BPTF: variants seen among roughly 807,000 people sequenced by gnomAD.
The protein encoded by BPTF is bromodomain PHD finger transcription factor.
Under a neutral mutation model 292.5 loss-of-function variants are expected in BPTF, and 18 were observed. The observed-to-expected ratio is 0.06, with a 90% CI of 0.04 to 0.09. The LOEUF is 0.09. Among genes scored for constraint, BPTF ranks in the 10% least tolerant of loss-of-function variants. The probability of loss-of-function intolerance (pLI) is 1.00; values close to 1 mark genes in which losing one functional copy is unlikely to be tolerated. For synonymous variants in BPTF, 1,225 were observed against 1,251.9 expected (o/e 0.98, Z 0.45); for missense variants, 2,726 against 3,498.7 (o/e 0.78, Z 5.57).
At position 67,945,493 on chromosome 17, in the gene BPTF, G is replaced by C. The variant is rs782252588; in HGVS notation, c.6785G>C (p.Ser2262Thr). Residue 2262 changes from serine (S) to threonine (T), a missense_variant, in exon 21 of 28, where the codon AGT (serine) becomes ACT (threonine). Transcript: ENST00000306378. The part of the protein sequence containing the change: ...DKTLPPAQSS[S>T]VGPAEAQPQT... ...ACCCTGCCACCAGCTCAGTCATCAA[G>C]TGTGGGTCCAGCAGAAGCCCAGCCA... 1 of 1,613,982 alleles carries C rather than the reference G, an allele frequency of 6.2e-7. No homozygotes were observed. Among genetic ancestry groups the C allele is most frequent in the African/African-American group, 1.3e-5 (1 of 74,886 alleles).
chr17:67,909,764 A>G lies in BPTF; in HGVS notation c.2992+3A>G, dbSNP rs1240047085. The G allele has an allele frequency of 3.9e-6, 6 of 1,547,526 alleles. No individual in the cohort carries two copies. In the East Asian group the frequency reaches 9.1e-5, roughly 24 times the overall value. ...GATTACTGAGAAGAAGGACCAAGGT[A>G]AGGAGAGTCAGCTGTGGAGGGCAGC... On this transcript the variant is annotated splice_donor_region_variant and intron_variant, in intron 10 of 27. Coordinates refer to ENST00000306378, the MANE Select transcript of BPTF (RefSeq NM_182641.4).
At chr17:67,844,583 T>G (rs936943582) in intron 1 of BPTF, among the ~76,000 whole-genome samples, 1 of 147,460 alleles carries the variant, frequency 6.8e-6, no homozygotes, top group African/African-American at 2.5e-5. Flanking sequence ...GTATTTTTAC[T>G]AGAGACAGAG....
intron 17 of BPTF, 76 bp from the exon 18 acceptor site, chr17:67,931,835 G>C: frequency 9.6e-7 from 1 of 1,039,710 alleles, no homozygotes; most frequent in Non-Finnish European, 1.4e-6. Flanking sequence ...AATGTTTAAA[G>C]ATCTTGTGTT....
chr17:67,982,156 T>C, intron 27 of BPTF, 96 bp from the exon 28 acceptor site: 1 of 1,111,210 alleles, frequency 9.0e-7, no homozygotes, highest in East Asian at 2.4e-5. Context: ...ACATGGCTGC[T>C]TCTCCCAGAC....
At chr17:67,843,980 G>T (rs1274273008) in intron 1 of BPTF, among the ~76,000 whole-genome samples, 1 of 149,558 alleles carries the variant, frequency 6.7e-6, no homozygotes, top group Non-Finnish European at 1.5e-5. Context: ...GGTCAGGCTG[G>T]TCTCAAACTC....
At position 67,912,275 on chromosome 17, in the gene BPTF, C is replaced by T. The variant is rs781722613; in HGVS notation, c.4391C>T (p.Pro1464Leu). The stretch of plus-strand genomic sequence containing the variant: ...ACTGTTAAAGAATCTGCTATAAGGC[C>T]ATTCATTAATGGTGATGTCATCATG... ...SLTVKESAIR[P>L]FINGDVIMED... Residue 1464 changes from proline to leucine, a missense_variant, in exon 11 of 28, where the codon CCA (proline) becomes CTA (leucine). Transcript: ENST00000306378. 2.5e-6 allele frequency: 4 copies of T among 1,613,246 alleles called. No individual in the cohort carries two copies. Among genetic ancestry groups the T allele is most frequent in the East Asian group, 4.5e-5 (2 of 44,870 alleles).
chr17:67,908,465 A>G (rs1201332608), intron 9 of BPTF, among the ~76,000 whole-genome samples: 1 of 144,194 alleles, frequency 6.9e-6, no homozygotes, highest in Non-Finnish European at 1.5e-5. Context: ...AAATTTTATC[A>G]CATTTGTTTC....
chr17:67,866,580 A>G lies in BPTF; in HGVS notation c.1553A>G (p.Lys518Arg). The G allele has an allele frequency of 6.2e-7, 1 of 1,614,092 alleles. No homozygotes were observed. Among genetic ancestry groups the G allele is most frequent in the Non-Finnish European group, 8.5e-7 (1 of 1,179,944 alleles). The change falls in exon 3 of 28, where the codon AAA becomes AGA. Residue 518 changes from lysine to arginine, a missense_variant. By Grantham distance (26) the Lys-to-Arg change is conservative (BLOSUM62 2). This residue lies in a region of BPTF where 187 missense variants were observed against 201.5 expected (regional missense o/e 0.93). Transcript: ENST00000306378. ...DKDYWEAELC[K>R]ILEEMREEIH... Reference sequence around the variant, plus strand: ...GATTATTGGGAAGCAGAACTCTGCAAAATTCTAGAAGAAATGCGTGAAGAA... The same window carrying G: ...GATTATTGGGAAGCAGAACTCTGCAGAATTCTAGAAGAAATGCGTGAAGAA...
intron 23 of BPTF, 58 bp downstream of exon 23, chr17:67,948,364 T>G: frequency 6.9e-7 from 1 of 1,448,462 alleles, no homozygotes; most frequent in South Asian, 1.3e-5. Context: ...GGTTCTGCTT[T>G]TTTCCCTTGC....
intron 1 of BPTF, among the ~76,000 whole-genome samples, chr17:67,834,710 A>C (rs2056991925): frequency 6.6e-6 from 1 of 152,156 alleles, no homozygotes; most frequent in Non-Finnish European, 1.5e-5. Flanking sequence ...TGGGCTTTTA[A>C]TATCTGGCCC....
intron 4 of BPTF, chr17:67,886,347 G>T (rs2060748225): frequency 2.8e-6 from 4 of 1,411,580 alleles, no homozygotes; most frequent in East Asian, 5.0e-5. Context: ...TTCCTTTAAA[G>T]GGAAGTTTTT....
In BPTF at chr17:67,946,283, C is replaced by T; in HGVS notation, c.7575C>T (p.His2525=). ...KQQQIEIKRE[H]TLQASNQSEI... Reference sequence around the variant, plus strand: ...AACAGATAGAAATTAAGCGTGAACACACCCTCCAAGCTTCTAATCAAAGTG... The same window carrying T: ...AACAGATAGAAATTAAGCGTGAACATACCCTCCAAGCTTCTAATCAAAGTG... The change falls in exon 21 of 28, where the codon CAC becomes CAT. Residue 2525 remains histidine (H), a synonymous_variant. Coordinates refer to ENST00000306378, the MANE Select transcript of BPTF (RefSeq NM_182641.4). 6.2e-7 allele frequency: 1 copy of T among 1,614,106 alleles called. No individual in the cohort carries two copies. Among genetic ancestry groups the T allele is most frequent in the East Asian group, 2.2e-5 (1 of 44,892 alleles).
chr17:67,832,783 CTTTTTTTTT>C (rs60751133), intron 1 of BPTF, among the ~76,000 whole-genome samples: 1 of 101,640 alleles, frequency 9.8e-6, no homozygotes, highest in African/African-American at 4.2e-5. Flanking sequence ...TGATTCGCCT[CTTTTTTTTT>C]TTTTTTTTTT....
chr17:67,861,114 G>A (rs1023410719), intron 2 of BPTF, among the ~76,000 whole-genome samples: 2 of 152,068 alleles, frequency 1.3e-5, no homozygotes, highest in African/African-American at 2.4e-5. Context: ...TTCATCCAGC[G>A]TTCTCATCTT....
At chr17:67,976,798 A>G in intron 27 of BPTF, among the ~76,000 whole-genome samples, 1 of 152,118 alleles carries the variant, frequency 6.6e-6, no homozygotes, top group African/African-American at 2.4e-5. Flanking sequence ...CACTCAGCAA[A>G]TAACTTTTGA....
chr17:67,931,964 C>G lies in BPTF; in HGVS notation c.6204C>G (p.Leu2068=). ...GTATGACCGTGATTAGAACACCACT[C>G]CAACAGTCAACACTAGGAAAGGCAA... ...RPGMTVIRTP[L]QQSTLGKAII... The change falls in exon 18 of 28, where the codon CTC becomes CTG. Residue 2068 remains leucine (L), a synonymous_variant. Transcript: ENST00000306378. 1 of 1,614,068 alleles carries G rather than the reference C, an allele frequency of 6.2e-7. No homozygotes were observed. Among genetic ancestry groups the G allele is most frequent in the Non-Finnish European group, 8.5e-7 (1 of 1,179,998 alleles).
chr17:67,844,616 G>A (rs146140728), intron 1 of BPTF, among the ~76,000 whole-genome samples: 174 of 151,338 alleles, frequency 1.1e-3, no homozygotes, highest in African/African-American at 4.1e-3. Flanking sequence ...GCCCAGGCTG[G>A]GCTCAAACTC....
intron 11 of BPTF, among the ~76,000 whole-genome samples, chr17:67,916,521 C>T (rs552210439): frequency 3.9e-5 from 6 of 152,012 alleles, no homozygotes; most frequent in Non-Finnish European, 8.8e-5. Flanking sequence ...ACCCGGGAGG[C>T]GGAGGTTGCA....
At chr17:67,924,275 C>T (rs763897014) in intron 14 of BPTF, among the ~76,000 whole-genome samples, 5 of 152,092 alleles carry the variant, frequency 3.3e-5, no homozygotes, top group Admixed American at 6.5e-5. Context: ...TGCCCAGCTC[C>T]GACTAACTTT....
Sources: gnomAD v4.1 joint callset for allele counts (sites outside exome capture counted in the v4.1 genomes callset) on GRCh38, gnomAD v4.1.1 for gene constraint, gnomAD v4.1.1 regional missense constraint, MANE v1.5 for transcripts, NCBI Gene and HGNC (gene_info 2026-07-23, HGNC 2026-07-21) for gene names.